The following SP1 variants were observed in gnomAD, a reference collection of about 807,000 sequenced individuals.
The protein encoded by SP1 is Sp1 transcription factor, also known as transcription factor Sp1.
In SP1, 6 loss-of-function variants were observed where a neutral mutation model predicts 66.3. That is an observed-to-expected ratio of 0.09 (90% CI 0.05 to 0.18). The LOEUF is 0.18. SP1 is among the 10% of genes least tolerant of loss of function. SP1 has a pLI of 1.00. For missense variants in SP1, 848 were observed against 964.5 expected (o/e 0.88, Z 1.60); for synonymous variants, 417 against 360.8 (o/e 1.16, Z -1.77).
intron 3 of SP1, among the ~76,000 whole-genome samples, chr12:53,385,331 C>T (rs763343708): frequency 2.0e-4 from 30 of 151,214 alleles, no homozygotes; most frequent in Non-Finnish European, 3.8e-4. Context: ...CGCGGTGGCT[C>T]ACGCCTGTAA....
intron 3 of SP1, among the ~76,000 whole-genome samples, chr12:53,405,725 A>G (rs1470759301): frequency 1.4e-5 from 2 of 144,778 alleles, no homozygotes; most frequent in African/African-American, 5.7e-5. Flanking sequence ...GAGGGAGGGA[A>G]GGAAGAGAGA....
At position 53,411,114 on chromosome 12, in the gene SP1, T is replaced by A; in HGVS notation, c.2232T>A (p.Ile744=). The change falls in exon 6 of 6, where the codon ATT becomes ATA. Residue 744 remains isoleucine, a synonymous_variant. Transcript: ENST00000327443. ...GCACTGCCACTCCTTCAGCCCTTAT[T>A]ACCACCAATATGGTAGCCATGGAGG... ...GSGTATPSAL[I]TTNMVAMEAI... The A allele has an allele frequency of 6.2e-7, 1 of 1,614,150 alleles. No individual in the cohort carries two copies. The highest frequency in any genetic ancestry group is 1.1e-5 in the South Asian group (1 of 91,076).
At chr12:53,392,431 A>G (rs1938374578) in intron 3 of SP1, among the ~76,000 whole-genome samples, 1 of 134,214 alleles carries the variant, frequency 7.5e-6, no homozygotes, top group South Asian at 2.3e-4. Flanking sequence ...ATCTCGGCTC[A>G]CTGCAAGCTC....
In SP1 at chr12:53,383,092, C is replaced by T. The variant is rs376828448; in HGVS notation, c.1145C>T (p.Ala382Val). Residue 382 changes from alanine to valine, a missense_variant, in exon 3 of 6, where the codon GCA (alanine) becomes GTA (valine). By Grantham distance (64) the Ala-to-Val change is moderately conservative. Transcript: ENST00000327443. ...QNQTSGGSLQ[A>V]GQQKEGEQNQ... ...CAGACATCTGGAGGCTCATTGCAAGCAGGCCAGCAAAAAGAAGGAGAGCAA... is the reference window on the plus strand; with the variant it reads ...CAGACATCTGGAGGCTCATTGCAAGTAGGCCAGCAAAAAGAAGGAGAGCAA... 2 of 1,614,082 alleles carry T rather than the reference C, an allele frequency of 1.2e-6. No homozygotes were observed. Among genetic ancestry groups the T allele is most frequent in the Non-Finnish European group, 1.7e-6 (2 of 1,180,060 alleles).
At chr12:53,399,744 T>G (rs1274383650) in intron 3 of SP1, among the ~76,000 whole-genome samples, 1 of 151,988 alleles carries the variant, frequency 6.6e-6, no homozygotes, top group Non-Finnish European at 1.5e-5. Flanking sequence ...TTCAAGCGAT[T>G]CTCCTGCCTC....
At chr12:53,405,063 G>A (rs556062901) in intron 3 of SP1, among the ~76,000 whole-genome samples, 8 of 151,916 alleles carry the variant, frequency 5.3e-5, no homozygotes, top group Non-Finnish European at 1.2e-4. Flanking sequence ...TGGCCAGGCT[G>A]GTATTGAACT....
Position 53,401,151 on chromosome 12 carries a change from A to G in SP1, c.1676-5434A>G, listed in dbSNP as rs867247138. ...AGTCTTACTGTTTTACTTAATTCCT[A>G]GAAATATTAAGTTTTTCTGGCCTGG... On this transcript the variant is annotated intron_variant, in intron 3 of 5. Transcript: ENST00000327443. Among the ~76,000 whole-genome samples the G allele has an allele frequency of 2.6e-5, 4 of 151,972 alleles. No homozygotes were observed. In the South Asian group the frequency reaches 6.2e-4, roughly 24 times the overall value.
chr12:53,386,003 T>C (rs187081446), intron 3 of SP1, among the ~76,000 whole-genome samples: 1 of 152,296 alleles, frequency 6.6e-6, no homozygotes, highest in Admixed American at 6.5e-5. Flanking sequence ...TAACTCCTAA[T>C]TGAAGGGAAA....
chr12:53,411,458 CT>C lies in SP1; in HGVS notation c.*219del. 4.2e-6 allele frequency: 2 copies of C among 479,636 alleles called. No individual in the cohort carries two copies. Among genetic ancestry groups the C allele is most frequent in the Non-Finnish European group, 7.3e-6 (2 of 273,156 alleles). The allele number at this position is 479,636 out of a possible 1,614,324, so 29.7% of individuals were successfully genotyped here. On this transcript the variant is annotated 3_prime_UTR_variant, in exon 6 of 6. Coordinates refer to ENST00000327443, the MANE Select transcript of SP1 (RefSeq NM_138473.3). ...AAGGTGGGAAACATTAGTGAAAATT[CT>C]GTTGGTGCCACGCTTTGATGAGCAT...
chr12:53,410,821 C>A, intron 5 of SP1, 106 bp from the exon 6 acceptor site: 1 of 809,718 alleles, frequency 1.2e-6, no homozygotes, highest in East Asian at 2.4e-5. Flanking sequence ...TTTTTGATCA[C>A]CTTCTCATAC....
chr12:53,382,675 A>C lies in SP1; in HGVS notation c.728A>C (p.Asn243Thr), dbSNP rs770799986. Residue 243 changes from asparagine to threonine, a missense_variant, in exon 3 of 6, where the codon AAT becomes ACT. By Grantham distance (65) the Asn-to-Thr change is moderately conservative. Around this residue, in one of 7 missense-constraint regions of SP1, gnomAD observed 606 missense variants for 589.9 expected, o/e 1.03. Coordinates refer to ENST00000327443, the MANE Select transcript of SP1 (RefSeq NM_138473.3). Reference sequence around the variant, plus strand: ...GCTGTCCCCCTCCAAGGCCTGGCTAATAATGTACTCTCAGGACAGACTCAG... The same window carrying C: ...GCTGTCCCCCTCCAAGGCCTGGCTACTAATGTACTCTCAGGACAGACTCAG... The part of the protein sequence containing the change: ...QQAVPLQGLA[N>T]NVLSGQTQYV... 6.2e-7 allele frequency: 1 copy of C among 1,614,154 alleles called. No individual in the cohort carries two copies. The highest frequency in any genetic ancestry group is 1.3e-5 in the African/African-American group (1 of 75,046).
At chr12:53,395,512 A>G (rs1938468583) in intron 3 of SP1, among the ~76,000 whole-genome samples, 1 of 152,242 alleles carries the variant, frequency 6.6e-6, no homozygotes, top group Non-Finnish European at 1.5e-5. Context: ...GAACACCAGT[A>G]TACTTAGTAA....
chr12:53,409,216 C>G (rs966439301), intron 4 of SP1, 146 bp from the exon 5 acceptor site: 1 of 639,838 alleles, frequency 1.6e-6, no homozygotes, highest in African/African-American at 1.9e-5. Flanking sequence ...CAGAGTGAGA[C>G]TCTCTCAAAA....
At chr12:53,385,927 A>C (rs1938218813) in intron 3 of SP1, among the ~76,000 whole-genome samples, 1 of 152,090 alleles carries the variant, frequency 6.6e-6, no homozygotes, top group South Asian at 2.1e-4. Flanking sequence ...AAAAAAAAAA[A>C]ATTGATTATG....
At chr12:53,388,977 C>CAA (rs59161932) in intron 3 of SP1, among the ~76,000 whole-genome samples, 2 of 140,160 alleles carry the variant, frequency 1.4e-5, no homozygotes, top group Admixed American at 7.2e-5. Context: ...GAGTCCCTGT[C>CAA]AAAAAAAAAA....
In SP1 at chr12:53,382,878, G is replaced by C. The variant is rs750641826; in HGVS notation, c.931G>C (p.Val311Leu). The change falls in exon 3 of 6, where the codon GTA (valine) becomes CTA (leucine). Residue 311 changes from valine to leucine, a missense_variant. Val to Leu is a conservative substitution (Grantham distance 32). This residue lies in a region of SP1 where 606 missense variants were observed against 589.9 expected (regional missense o/e 1.03). Transcript: ENST00000327443. ...SGTTISSASL[V>L]SSQASSSSFF... ...GACTACCATCAGTTCTGCCAGCTTG[G>C]TATCATCACAAGCCAGTTCCAGCTC... 1 of 1,614,140 alleles carries C rather than the reference G, an allele frequency of 6.2e-7. No individual in the cohort carries two copies. Among genetic ancestry groups the C allele is most frequent in the South Asian group, 1.1e-5 (1 of 91,086 alleles).
At chr12:53,407,793 C>T (rs1311629030) in intron 4 of SP1, among the ~76,000 whole-genome samples, 4 of 151,442 alleles carry the variant, frequency 2.6e-5, no homozygotes, top group East Asian at 2.0e-4. Flanking sequence ...CCCGCCACCT[C>T]GCCCAGCTAA....
intron 3 of SP1, among the ~76,000 whole-genome samples, chr12:53,386,331 TGAG>T (rs1292181464): frequency 6.6e-6 from 1 of 151,974 alleles, no homozygotes; most frequent in Non-Finnish European, 1.5e-5. Flanking sequence ...GAGTTAGGAA[TGAG>T]GAGAGCATTG....
In SP1 at chr12:53,411,166, C is replaced by T; in HGVS notation, c.2284C>T (p.Leu762Phe). The change falls in exon 6 of 6, where the codon CTT becomes TTT. Residue 762 changes from leucine (L) to phenylalanine (F), a missense_variant. By Grantham distance (22) the Leu-to-Phe change is conservative. Coordinates refer to ENST00000327443, the MANE Select transcript of SP1 (RefSeq NM_138473.3). ...CATCTGTCCAGAGGGCATTGCCCGTCTTGCCAACAGTGGCATCAACGTCAT... is the reference window on the plus strand; with the variant it reads ...CATCTGTCCAGAGGGCATTGCCCGTTTTGCCAACAGTGGCATCAACGTCAT... ...EAICPEGIAR[L>F]ANSGINVMQV... 2 of 1,614,130 alleles carry T rather than the reference C, an allele frequency of 1.2e-6. No homozygotes were observed. The highest frequency in any genetic ancestry group is 8.5e-7 in the Non-Finnish European group (1 of 1,180,026).
Sources: allele counts gnomAD v4.1 joint callset (sites outside exome capture counted in the v4.1 genomes callset), GRCh38; gene constraint gnomAD v4.1.1; regional missense constraint gnomAD v4.1.1; transcripts MANE v1.5; gene names NCBI Gene and HGNC (gene_info 2026-07-23, HGNC 2026-07-21).